METAP1: variants seen among roughly 807,000 people sequenced by gnomAD.
METAP1 encodes the protein methionyl aminopeptidase 1, also known as methionine aminopeptidase 1.
A neutral mutation model predicts 53.8 loss-of-function variants in METAP1; 28 were observed. That is an observed-to-expected ratio of 0.52 (90% CI 0.39 to 0.71). METAP1 has a LOEUF of 0.71. Ranked by LOEUF, METAP1 falls within the 30% of genes least tolerant of loss-of-function variation. The probability of loss-of-function intolerance (pLI) is 0.00; values close to 1 mark genes in which losing one functional copy is unlikely to be tolerated. For missense variants in METAP1, 389 were observed against 479.8 expected (o/e 0.81, Z 1.77); for synonymous variants, 181 against 165.7 (o/e 1.09, Z -0.71).
intron 9 of METAP1, among the ~76,000 whole-genome samples, chr4:99,055,743 A>T (rs529173398): frequency 6.6e-6 from 1 of 152,202 alleles, no homozygotes; most frequent in Admixed American, 6.5e-5. Context: ...TACATGGCCA[A>T]TGCTGCTGTT....
chr4:99,052,622 C>T (rs1278277311), intron 9 of METAP1, among the ~76,000 whole-genome samples: 1 of 152,182 alleles, frequency 6.6e-6, no homozygotes, highest in Admixed American at 6.5e-5. Context: ...ACTCTGCGCC[C>T]AGGATCCAGT....
chr4:99,023,114 C>A, intron 1 of METAP1: 1 of 1,011,242 alleles, frequency 9.9e-7, no homozygotes, highest in Non-Finnish European at 1.4e-6. Context: ...CGGCCTTCTC[C>A]GATTCCTCTG....
chr4:98,996,083 G>GGGGCGC (rs1253535442), intron 1 of METAP1, among the ~76,000 whole-genome samples: 3 of 152,156 alleles, frequency 2.0e-5, no homozygotes, highest in Admixed American at 6.5e-5. Flanking sequence ...CGCGGGGGCG[G>GGGGCGC]GGGCGCCACC....
intron 1 of METAP1, chr4:98,997,440 C>G (rs1200858814): frequency 1.3e-5 from 2 of 154,448 alleles, no homozygotes; most frequent in African/African-American, 2.4e-5. Flanking sequence ...CATGTTAGAC[C>G]TAGTACACGT....
chr4:99,059,676 C>G (rs928535741), intron 10 of METAP1, among the ~76,000 whole-genome samples: 1 of 152,094 alleles, frequency 6.6e-6, no homozygotes, highest in Non-Finnish European at 1.5e-5. Context: ...CATTCCACCT[C>G]TGCTTCACAT....
At chr4:99,023,720 G>A (rs1271060610) in intron 1 of METAP1, 1 of 985,316 alleles carries the variant, frequency 1.0e-6, no homozygotes. Flanking sequence ...AGCCGTTGTA[G>A]TTTGGCAAGT....
chr4:99,011,187 A>G (rs1213162241), intron 1 of METAP1, among the ~76,000 whole-genome samples: 4 of 152,168 alleles, frequency 2.6e-5, no homozygotes, highest in Non-Finnish European at 5.9e-5. Context: ...AGGACTTCCA[A>G]TACAATGTTG....
intron 9 of METAP1, among the ~76,000 whole-genome samples, chr4:99,055,879 T>G (rs905225256): frequency 6.6e-6 from 1 of 152,266 alleles, no homozygotes; most frequent in Non-Finnish European, 1.5e-5. Context: ...GTATTAAGCA[T>G]GTCATTTTGA....
intron 1 of METAP1, among the ~76,000 whole-genome samples, chr4:99,024,216 C>T (rs1040005713): frequency 1.3e-5 from 2 of 152,134 alleles, no homozygotes; most frequent in Admixed American, 6.5e-5. Flanking sequence ...TCACGTACCC[C>T]CTGCTTGCTC....
chr4:99,057,856 T>C, intron 10 of METAP1, 38 bp downstream of exon 10: 2 of 1,519,514 alleles, frequency 1.3e-6, no homozygotes, highest in South Asian at 2.4e-5. Context: ...TTCAATTGAA[T>C]TTATATGTAT....
chr4:99,020,073 G>A (rs1403106004), intron 1 of METAP1, among the ~76,000 whole-genome samples: 3 of 152,152 alleles, frequency 2.0e-5, no homozygotes, highest in Non-Finnish European at 4.4e-5. Context: ...AACATCCGCT[G>A]CCGGAATATT....
intron 1 of METAP1, chr4:99,023,076 T>C: frequency 7.6e-7 from 1 of 1,317,850 alleles, no homozygotes; most frequent in Non-Finnish European, 1.0e-6. Context: ...GTGTCTGGTC[T>C]GTCCCTTCCA....
In METAP1 at chr4:99,039,518, C is replaced by A. The variant is rs1202112495; in HGVS notation, c.432+53C>A. 8 of 1,059,436 alleles carry A rather than the reference C, an allele frequency of 7.6e-6. No homozygotes were observed. The East Asian group carries it at 1.9e-4, about 26-fold the overall frequency. 65.6% of individuals were successfully genotyped at this position (1,059,436 alleles called of 1,614,324 possible). A position where few individuals can be genotyped will look rare whatever the true frequency, so the allele number is the denominator to read the frequency against. The stretch of plus-strand genomic sequence containing the variant: ...AGGAAATGTTTAAGCAGTACTTAGA[C>A]ATGAAGTCAGTGGTTTGCTGATTTA... On this transcript the variant is annotated intron_variant, in intron 5 of 10. Coordinates refer to ENST00000296411, the MANE Select transcript of METAP1 (RefSeq NM_015143.3).
chr4:99,007,017 G>T (rs904755361), intron 1 of METAP1, among the ~76,000 whole-genome samples: 1 of 151,520 alleles, frequency 6.6e-6, no homozygotes, highest in African/African-American at 2.4e-5. Flanking sequence ...CAGTGCAGTG[G>T]TGTGATCATG....
intron 4 of METAP1, among the ~76,000 whole-genome samples, chr4:99,037,491 G>GT (rs1725518084): frequency 6.6e-6 from 1 of 151,932 alleles, no homozygotes; most frequent in Non-Finnish European, 1.5e-5. Context: ...GGCATAAGGA[G>GT]TTAAATAGGG....
chr4:99,060,929 A>G (rs1418647773), intron 10 of METAP1, among the ~76,000 whole-genome samples: 1 of 152,222 alleles, frequency 6.6e-6, no homozygotes. Flanking sequence ...TGGAAATTCC[A>G]TCTTGATTTG....
intron 3 of METAP1, 86 bp downstream of exon 3, chr4:99,034,428 A>T: frequency 1.3e-6 from 1 of 779,182 alleles, no homozygotes; most frequent in East Asian, 2.8e-5. Context: ...GTAGTGAATC[A>T]TATAATCAGG....
chr4:99,029,040 C>A, intron 2 of METAP1, 122 bp downstream of exon 2: 1 of 602,710 alleles, frequency 1.7e-6, no homozygotes, highest in East Asian at 3.0e-5. Context: ...ATCCTGAATA[C>A]TAGAATTATG....
At chr4:99,054,513 T>G (rs941085653) in intron 9 of METAP1, among the ~76,000 whole-genome samples, 1 of 152,198 alleles carries the variant, frequency 6.6e-6, no homozygotes, top group Non-Finnish European at 1.5e-5. Flanking sequence ...AGTAAGACTG[T>G]TTTACTTTCT....
Sources: allele counts gnomAD v4.1 joint callset (sites outside exome capture counted in the v4.1 genomes callset), GRCh38; gene constraint gnomAD v4.1.1; transcripts MANE v1.5; gene names NCBI Gene and HGNC (gene_info 2026-07-23, HGNC 2026-07-21).